SYT1: variants seen among roughly 807,000 people sequenced by gnomAD.
SYT1 encodes the protein synaptotagmin 1.
A neutral mutation model predicts 44.8 loss-of-function variants in SYT1; 8 were observed. The observed-to-expected ratio is 0.18, with a 90% CI of 0.10 to 0.32. The LOEUF (loss-of-function observed/expected upper bound fraction) is 0.32, where lower values mean the gene tolerates loss of function less well. Among genes scored for constraint, SYT1 ranks in the 10% least tolerant of loss-of-function variants. SYT1 has a pLI of 1.00. For synonymous variants in SYT1, 154 were observed against 188.8 expected, an observed-to-expected ratio of 0.82 and a Z score of 1.51; for missense variants, 286 against 509.3, an observed-to-expected ratio of 0.56 and a Z score of 4.22.
At chr12:79,094,220 A>G (rs1235630002) in intron 3 of SYT1, among the ~76,000 whole-genome samples, 2 of 151,810 alleles carry the variant, frequency 1.3e-5, no homozygotes, top group Non-Finnish European at 2.9e-5. Context: ...ATTATAAATC[A>G]TAATTATTGT....
intron 4 of SYT1, among the ~76,000 whole-genome samples, chr12:79,244,724 A>C (rs1190590331): frequency 6.6e-6 from 1 of 151,928 alleles, no homozygotes; most frequent in Non-Finnish European, 1.5e-5. Flanking sequence ...GAAAAAAAAA[A>C]AAAAAGCTAA....
intron 2 of SYT1, among the ~76,000 whole-genome samples, chr12:79,027,721 G>A (rs1352125469): frequency 6.6e-6 from 1 of 151,438 alleles, no homozygotes; most frequent in East Asian, 1.9e-4. Context: ...ATATTTTAAT[G>A]TGGAACAATA....
At chr12:78,902,080 T>C (rs1477049664) in intron 1 of SYT1, among the ~76,000 whole-genome samples, 1 of 151,938 alleles carries the variant, frequency 6.6e-6, no homozygotes, top group South Asian at 2.1e-4. Context: ...GAGAAATACC[T>C]AATGTAGATG....
intron 4 of SYT1, among the ~76,000 whole-genome samples, chr12:79,268,704 G>A (rs927398771): frequency 6.6e-6 from 1 of 152,192 alleles, no homozygotes; most frequent in Admixed American, 6.5e-5. Flanking sequence ...ATAGAGCTAT[G>A]TGGGAGGAGA....
At chr12:79,087,334 T>A (rs1877452005) in intron 3 of SYT1, among the ~76,000 whole-genome samples, 1 of 152,178 alleles carries the variant, frequency 6.6e-6, no homozygotes, top group Admixed American at 6.6e-5. Context: ...GTAATTAATC[T>A]AAATAGGACA....
At chr12:78,889,068 T>C (rs1874901637) in intron 1 of SYT1, among the ~76,000 whole-genome samples, 1 of 149,326 alleles carries the variant, frequency 6.7e-6, no homozygotes, top group African/African-American at 2.5e-5. Context: ...TCCTGGTTAA[T>C]TTTTTTTTTA....
chr12:79,425,500 T>C (rs1268015850), intron 9 of SYT1, among the ~76,000 whole-genome samples: 1 of 152,134 alleles, frequency 6.6e-6, no homozygotes, highest in African/African-American at 2.4e-5. Context: ...TACCATAGAC[T>C]TGTCCTTATG....
At chr12:79,315,634 A>G (rs1298805976) in intron 8 of SYT1, among the ~76,000 whole-genome samples, 2 of 152,160 alleles carry the variant, frequency 1.3e-5, no homozygotes, top group Admixed American at 1.3e-4. Flanking sequence ...GGGCTGTTTC[A>G]AAAGTTTTGG....
chr12:79,262,248 AC>A (rs1162302359), intron 4 of SYT1, among the ~76,000 whole-genome samples: 2 of 152,080 alleles, frequency 1.3e-5, no homozygotes, highest in Non-Finnish European at 2.9e-5. Flanking sequence ...GCATGGTTGG[AC>A]TTTTCTCTAG....
At chr12:79,437,424 A>C (rs1593066793) in intron 9 of SYT1, among the ~76,000 whole-genome samples, 1 of 152,166 alleles carries the variant, frequency 6.6e-6, no homozygotes, top group Admixed American at 6.6e-5. Flanking sequence ...ATATGGCTCC[A>C]AATTTTTAGG....
At chr12:78,936,467 T>G (rs1878064414) in intron 1 of SYT1, among the ~76,000 whole-genome samples, 1 of 152,176 alleles carries the variant, frequency 6.6e-6, no homozygotes. Flanking sequence ...AAGCGGCTTT[T>G]AGTATAATTC....
intron 8 of SYT1, among the ~76,000 whole-genome samples, chr12:79,345,250 T>G (rs2135985913): frequency 6.6e-6 from 1 of 152,326 alleles, no homozygotes; most frequent in East Asian, 1.9e-4. Flanking sequence ...ACAAAGAACA[T>G]GCATTTGGGG....
At chr12:79,295,026 AT>A (rs758362952) in intron 6 of SYT1, among the ~76,000 whole-genome samples, 1 of 151,922 alleles carries the variant, frequency 6.6e-6, no homozygotes, top group East Asian at 1.9e-4. Flanking sequence ...ATGGTTATGC[AT>A]TTTTTTTAAG....
intron 3 of SYT1, among the ~76,000 whole-genome samples, chr12:79,071,827 A>G (rs1026248325): frequency 2.6e-5 from 4 of 152,154 alleles, no homozygotes; most frequent in Admixed American, 6.6e-5. Context: ...ACCCTACTCA[A>G]GAATGACTTC....
chr12:79,425,827 C>T (rs1351683794), intron 9 of SYT1, among the ~76,000 whole-genome samples: 2 of 152,066 alleles, frequency 1.3e-5, no homozygotes, highest in African/African-American at 2.4e-5. Flanking sequence ...GTTTTACCTG[C>T]AAAGCACTAA....
intron 3 of SYT1, among the ~76,000 whole-genome samples, chr12:79,084,651 T>C (rs1877260733): frequency 6.6e-6 from 1 of 152,158 alleles, no homozygotes. Flanking sequence ...TAGTAGATGT[T>C]TTCTAAGGTT....
intron 3 of SYT1, among the ~76,000 whole-genome samples, chr12:79,135,424 C>CT (rs1869128373): frequency 6.6e-6 from 1 of 152,070 alleles, no homozygotes; most frequent in African/African-American, 2.4e-5. Flanking sequence ...TAATATCCTG[C>CT]TAGTCAATGC....
chr12:78,998,322 A>C, intron 2 of SYT1, among the ~76,000 whole-genome samples: 1 of 152,206 alleles, frequency 6.6e-6, no homozygotes, highest in Non-Finnish European at 1.5e-5. Flanking sequence ...ACATGAAACA[A>C]ATTTCATTCA....
At chr12:79,018,370 C>T (rs1871953928) in intron 2 of SYT1, among the ~76,000 whole-genome samples, 1 of 151,404 alleles carries the variant, frequency 6.6e-6, no homozygotes, top group African/African-American at 2.4e-5. Flanking sequence ...GGAGGGATAG[C>T]ATTAGGAGAT....
Sources: allele counts gnomAD v4.1 joint callset (sites outside exome capture counted in the v4.1 genomes callset), GRCh38; gene constraint gnomAD v4.1.1; transcripts MANE v1.5; gene names NCBI Gene and HGNC (gene_info 2026-07-23, HGNC 2026-07-21).